The following SECISBP2L variants were observed in gnomAD, a reference collection of about 807,000 sequenced individuals.
The protein encoded by SECISBP2L is SECIS binding protein 2 like, also known as selenocysteine insertion sequence-binding protein 2-like.
A neutral mutation model predicts 114.7 loss-of-function variants in SECISBP2L; 43 were observed. The observed-to-expected ratio is 0.38, with a 90% CI of 0.29 to 0.48. The LOEUF is 0.48. SECISBP2L is among the 20% of genes least tolerant of loss of function. The probability of loss-of-function intolerance (pLI) is 0.98; values close to 1 mark genes in which losing one functional copy is unlikely to be tolerated. For missense variants in SECISBP2L, 1,136 were observed against 1,301.1 expected, an observed-to-expected ratio of 0.87 and a Z score of 1.95; for synonymous variants, 451 against 439.7, an observed-to-expected ratio of 1.03 and a Z score of -0.32.
At chr15:49,017,153 A>T in intron 9 of SECISBP2L, 138 bp from the exon 10 acceptor site, 1 of 823,178 alleles carries the variant, frequency 1.2e-6, no homozygotes, top group Non-Finnish European at 1.8e-6. Flanking sequence ...AAAGAACAGG[A>T]TTTGACAGTG....
chr15:49,007,423 C>T (rs1017723163), intron 14 of SECISBP2L, among the ~76,000 whole-genome samples: 3 of 152,188 alleles, frequency 2.0e-5, no homozygotes, highest in Non-Finnish European at 4.4e-5. Flanking sequence ...ATGCTCTGTC[C>T]CAGGCAGATG....
At chr15:49,038,966 C>T (rs541814498) in intron 1 of SECISBP2L, among the ~76,000 whole-genome samples, 1 of 152,046 alleles carries the variant, frequency 6.6e-6, no homozygotes, top group Admixed American at 6.5e-5. Flanking sequence ...CTCACAAAAG[C>T]AGCTAGTAAG....
intron 16 of SECISBP2L, among the ~76,000 whole-genome samples, chr15:48,997,544 G>A (rs1424476238): frequency 3.9e-5 from 6 of 152,152 alleles, no homozygotes; most frequent in Non-Finnish European, 8.8e-5. Flanking sequence ...AATAGTTTCC[G>A]TGAAGTGGTA....
chr15:49,045,096 C>A (rs1903214535), intron 1 of SECISBP2L, among the ~76,000 whole-genome samples: 1 of 152,064 alleles, frequency 6.6e-6, no homozygotes, highest in African/African-American at 2.4e-5. Context: ...CCAAGAGACT[C>A]TGTATCAATT....
In SECISBP2L at chr15:49,037,051, A is replaced by G. The variant is rs377715787; in HGVS notation, c.203+540T>C. On this transcript the variant is annotated intron_variant, in intron 2 of 17. Transcript: ENST00000559471. ...GGTTAGAATGGCTATCACGACTATC[A>G]TAAGTAACACCCTAACCACTAGGTT... Among the ~76,000 whole-genome samples, 11 of 152,312 alleles carry G rather than the reference A, an allele frequency of 7.2e-5. No individual in the cohort carries two copies. In the South Asian group the frequency reaches 8.3e-4, roughly 11 times the overall value.
At position 48,992,231 on chromosome 15, in the gene SECISBP2L, G is replaced by C; in HGVS notation, c.*13C>G. ...CTTCCACAGCTGGAGATAGAGAGCC[G>C]ACATTTCCTGAGTTACGTAGTTTGC... On this transcript the variant is annotated 3_prime_UTR_variant, in exon 18 of 18. Transcript: ENST00000559471. 1 of 1,580,348 alleles carries C rather than the reference G, an allele frequency of 6.3e-7. No homozygotes were observed. The highest frequency in any genetic ancestry group is 8.6e-7 in the Non-Finnish European group (1 of 1,162,590).
At chr15:49,000,087 T>A in intron 15 of SECISBP2L, 100 bp from the exon 16 acceptor site, 1 of 1,240,818 alleles carries the variant, frequency 8.1e-7, no homozygotes, top group Non-Finnish European at 1.1e-6. Context: ...CAAAGAATTC[T>A]ATGAACACTT....
At position 49,012,811 on chromosome 15, in the gene SECISBP2L, G is replaced by C. The variant is rs763966229; in HGVS notation, c.1568C>G (p.Thr523Ser). 12 of 1,605,790 alleles carry C rather than the reference G, an allele frequency of 7.5e-6. No homozygotes were observed. The South Asian group carries it at 1.3e-4, about 18-fold the overall frequency. The change falls in exon 12 of 18, where the codon ACT (threonine) becomes AGT (serine). Residue 523 changes from threonine to serine, a missense_variant. Transcript: ENST00000559471. ...GTCTTTAGTGTGAAAAGAAGCTGCA[G>C]TAACCACTAAAAACAAAGAGGAACA... ...NTRPLSYTVV[T>S]AASFHTKDST...
intron 16 of SECISBP2L, 149 bp from the exon 17 acceptor site, chr15:48,996,735 T>G: frequency 1.5e-6 from 1 of 651,988 alleles, no homozygotes; most frequent in Non-Finnish European, 2.6e-6. Context: ...CAGAACCTTA[T>G]GAAATTACTC....
intron 2 of SECISBP2L, among the ~76,000 whole-genome samples, chr15:49,036,332 C>T (rs577533698): frequency 1.6e-3 from 239 of 152,316 alleles, no homozygotes; most frequent in African/African-American, 5.5e-3. Context: ...CCAGCAGCCC[C>T]CTCACCAAAT....
chr15:49,015,533 T>C (rs571949446), intron 11 of SECISBP2L, among the ~76,000 whole-genome samples: 1 of 152,312 alleles, frequency 6.6e-6, no homozygotes, highest in Admixed American at 6.5e-5. Context: ...CAAAATTCAA[T>C]TTTGCCTCTC....
intron 6 of SECISBP2L, 130 bp from the exon 7 acceptor site, chr15:49,027,610 A>T (rs7177172): frequency 0.63 from 225,475 of 357,092 alleles, 62,062 homozygotes; most frequent in African/African-American, 0.69. Flanking sequence ...AAACCTTATT[A>T]TTTTTTTTTT....
intron 5 of SECISBP2L, 30 bp from the exon 6 acceptor site, chr15:49,028,198 C>G (rs866115333): frequency 6.4e-7 from 1 of 1,554,940 alleles, no homozygotes. Context: ...GACAATTATA[C>G]TCTACTTGAG....
intron 13 of SECISBP2L, among the ~76,000 whole-genome samples, chr15:49,011,307 C>A (rs1483926263): frequency 6.6e-6 from 1 of 152,106 alleles, no homozygotes; most frequent in African/African-American, 2.4e-5. Flanking sequence ...CAATTGCATT[C>A]ATTGTGACAT....
At chr15:49,032,753 C>T (rs535378868) in intron 4 of SECISBP2L, among the ~76,000 whole-genome samples, 1 of 152,238 alleles carries the variant, frequency 6.6e-6, no homozygotes, top group South Asian at 2.1e-4. Context: ...ATCTTAAACC[C>T]GCCCAAAATT....
chr15:49,027,375 T>G lies in SECISBP2L; in HGVS notation c.1025A>C (p.Asn342Thr). ...CCTAATTCGAATTACCTGTGAATTA[T>G]TTCTTTGTTCAGTTTGCCTTCCACC... Reference protein sequence around the residue: ...SRGGRQTEQRNNSQVGFRCRG... With the variant: ...SRGGRQTEQRTNSQVGFRCRG... The change falls in exon 7 of 18, where the codon AAT becomes ACT. Residue 342 changes from asparagine to threonine, a missense_variant. Asn to Thr is a moderately conservative substitution (Grantham distance 65, BLOSUM62 0). Coordinates refer to ENST00000559471, the MANE Select transcript of SECISBP2L (RefSeq NM_001193489.2). 6.2e-7 allele frequency: 1 copy of G among 1,608,354 alleles called. No individual in the cohort carries two copies. Among genetic ancestry groups the G allele is most frequent in the Non-Finnish European group, 8.5e-7 (1 of 1,176,096 alleles).
Position 48,989,742 on chromosome 15 carries a change from A to G in SECISBP2L, c.*2502T>C, listed in dbSNP as rs369447613. 1 of 152,192 alleles carries G rather than the reference A, an allele frequency of 6.6e-6. No homozygotes were observed. 9.4% of individuals were successfully genotyped at this position (152,192 alleles called of 1,614,324 possible). A position where few individuals can be genotyped will look rare whatever the true frequency, so the allele number is the denominator to read the frequency against. Reference sequence around the variant, plus strand: ...ATCACTATGTTTTTTATTTCTTGTGATGATGAACCAACCCTTACTCTTCCC... The same window carrying G: ...ATCACTATGTTTTTTATTTCTTGTGGTGATGAACCAACCCTTACTCTTCCC... On this transcript the variant is annotated 3_prime_UTR_variant, in exon 18 of 18. Coordinates refer to ENST00000559471, the MANE Select transcript of SECISBP2L (RefSeq NM_001193489.2).
chr15:49,039,081 G>A (rs761596984), intron 1 of SECISBP2L, among the ~76,000 whole-genome samples: 9 of 152,150 alleles, frequency 5.9e-5, no homozygotes, highest in Non-Finnish European at 1.2e-4. Flanking sequence ...TGTTAAAAGG[G>A]AAGGGGTGGG....
intron 17 of SECISBP2L, among the ~76,000 whole-genome samples, 170 bp from the exon 18 acceptor site, chr15:48,993,096 AGAGAGT>A (rs1053575191): frequency 1.6e-5 from 2 of 124,008 alleles, no homozygotes; most frequent in Admixed American, 7.6e-5. Flanking sequence ...TGAGACAGAG[AGAGAGT>A]GTGTGTGTGT....
Sources: gnomAD v4.1 joint callset for allele counts (sites outside exome capture counted in the v4.1 genomes callset) on GRCh38, gnomAD v4.1.1 for gene constraint, MANE v1.5 for transcripts, NCBI Gene and HGNC (gene_info 2026-07-23, HGNC 2026-07-21) for gene names.